Variants in CADM1 observed in about 807,000 individuals in gnomAD.
The protein encoded by CADM1 is cell adhesion molecule 1.
A neutral mutation model predicts 53.1 loss-of-function variants in CADM1; 15 were observed. The ratio of observed to expected loss-of-function variants is 0.28; its 90% CI spans 0.19 to 0.44. CADM1 has a LOEUF of 0.44. Among genes scored for constraint, CADM1 ranks in the 20% least tolerant of loss-of-function variants. CADM1 has a pLI of 1.00. For missense variants in CADM1, 434 were observed against 611.3 expected, an observed-to-expected ratio of 0.71 and a Z score of 3.06; for synonymous variants, 281 against 243.0, an observed-to-expected ratio of 1.16 and a Z score of -1.45.
intron 1 of CADM1, among the ~76,000 whole-genome samples, chr11:115,446,417 C>G (rs1408679570): frequency 6.6e-6 from 1 of 152,130 alleles, no homozygotes; most frequent in African/African-American, 2.4e-5. Context: ...CAACTACTTG[C>G]CAGGGACAGG....
intron 9 of CADM1, among the ~76,000 whole-genome samples, chr11:115,196,768 C>G (rs1351320223): frequency 2.0e-5 from 3 of 151,934 alleles, no homozygotes; most frequent in African/African-American, 4.8e-5. Flanking sequence ...AAGCTCAAAA[C>G]TTAAAGTATC....
chr11:115,199,231 T>G (rs10891807), intron 8 of CADM1, among the ~76,000 whole-genome samples: 1 of 152,098 alleles, frequency 6.6e-6, no homozygotes, highest in Non-Finnish European at 1.5e-5. Context: ...TCTAATCATA[T>G]GACATTCCAA....
intron 1 of CADM1, among the ~76,000 whole-genome samples, chr11:115,318,045 AT>A (rs1368228507): frequency 4.6e-5 from 7 of 151,540 alleles, no homozygotes; most frequent in South Asian, 2.1e-4. Flanking sequence ...TTCCCTACTT[AT>A]TTTTTTTAAT....
Position 115,229,210 on chromosome 11 carries a change from C to A in CADM1, c.624G>T (p.Lys208Asn), listed in dbSNP as rs1467988973. 3.7e-6 allele frequency: 6 copies of A among 1,614,036 alleles called. No homozygotes were observed. In the African/African-American group the frequency reaches 5.3e-5, roughly 14 times the overall value. ...GGACCCCATCGTCCTCCTTGTGCAC[C>A]TTCAGCATCAGCTGACTGGTCACAG... ...MYTVTSQLMLKVHKEDDGVPV... is the reference protein window; with the variant it reads ...MYTVTSQLMLNVHKEDDGVPV... The change falls in exon 5 of 12, where the codon AAG (lysine) becomes AAT (asparagine). Residue 208 changes from lysine to asparagine, a missense_variant. Around this residue, in one of 4 missense-constraint regions of CADM1, gnomAD observed 311 missense variants for 435.1 expected, o/e 0.71. Coordinates refer to ENST00000331581, the MANE Select transcript of CADM1 (RefSeq NM_001301043.2).
intron 1 of CADM1, among the ~76,000 whole-genome samples, chr11:115,359,183 G>A (rs954521149): frequency 2.6e-5 from 4 of 152,150 alleles, no homozygotes; most frequent in African/African-American, 9.7e-5. Flanking sequence ...ATGTTGTTAT[G>A]AAGACTGACA....
Position 115,174,472 on chromosome 11 carries a change from A to G in CADM1, c.*2002T>C. On this transcript the variant is annotated 3_prime_UTR_variant, in exon 12 of 12. Transcript: ENST00000331581. ...TCATTGTGGCTTTTTGTCTTGGTTAAGTGCCTAGGGATAGGGGAGGGGTAA... is the reference window on the plus strand; with the variant it reads ...TCATTGTGGCTTTTTGTCTTGGTTAGGTGCCTAGGGATAGGGGAGGGGTAA... 1.0e-6 allele frequency: 1 copy of G among 985,836 alleles called. No individual in the cohort carries two copies. The highest frequency in any genetic ancestry group is 1.2e-6 in the Non-Finnish European group (1 of 829,914). 61.1% of individuals were successfully genotyped at this position (985,836 alleles called of 1,614,324 possible). A position where few individuals can be genotyped will look rare whatever the true frequency, so the allele number is the denominator to read the frequency against.
At chr11:115,340,626 T>TTTTA (rs1555069219) in intron 1 of CADM1, among the ~76,000 whole-genome samples, 3 of 48,246 alleles carry the variant, frequency 6.2e-5, no homozygotes, top group African/African-American at 2.9e-4. Flanking sequence ...ATAATAAATA[T>TTTTA]TATATATATA....
At chr11:115,198,197 C>T (rs1940253267) in intron 9 of CADM1, among the ~76,000 whole-genome samples, 1 of 152,202 alleles carries the variant, frequency 6.6e-6, no homozygotes, top group African/African-American at 2.4e-5. Flanking sequence ...GAGAAGGTCT[C>T]ATCTCAGCTT....
rs571070305 is a variant in CADM1, at chr11:115,365,185, T to C, written c.125-124765A>G. 1.2e-3 allele frequency among the ~76,000 whole-genome samples: 190 copies of C among 152,302 alleles called. 1 individual carries two copies. The highest frequency in any genetic ancestry group is 2.3e-3 in the Non-Finnish European group (156 of 68,028). ...TGGTCCCAAGCCTCTTTACTCCAAC[T>C]GTATGAATTAAATAGTATGTGAACA... On this transcript the variant is annotated intron_variant, in intron 1 of 11. Coordinates refer to ENST00000331581, the MANE Select transcript of CADM1 (RefSeq NM_001301043.2).
At chr11:115,361,732 T>C (rs919560989) in intron 1 of CADM1, among the ~76,000 whole-genome samples, 2 of 151,846 alleles carry the variant, frequency 1.3e-5, no homozygotes, top group African/African-American at 4.8e-5. Context: ...TTATTATTAT[T>C]ATTTTTTTTT....
chr11:115,363,794 A>G (rs1458990170), intron 1 of CADM1: 1 of 152,202 alleles, frequency 6.6e-6, no homozygotes, highest in East Asian at 1.9e-4. Context: ...CATGCACCAC[A>G]TAACAACTTT....
chr11:115,404,731 G>A (rs929429480), intron 1 of CADM1, among the ~76,000 whole-genome samples: 2 of 150,870 alleles, frequency 1.3e-5, no homozygotes, highest in Admixed American at 6.6e-5. Flanking sequence ...TGTGGTGCAC[G>A]CCTGTGGTCT....
intron 9 of CADM1, among the ~76,000 whole-genome samples, chr11:115,191,968 G>A (rs917851113): frequency 6.6e-6 from 1 of 152,118 alleles, no homozygotes; most frequent in Non-Finnish European, 1.5e-5. Context: ...GTTTATTTTT[G>A]CATCTTTCCC....
intron 10 of CADM1, among the ~76,000 whole-genome samples, chr11:115,186,237 C>T (rs984955772): frequency 1.3e-5 from 2 of 152,164 alleles, no homozygotes; most frequent in African/African-American, 4.8e-5. Context: ...CACTTAGGGT[C>T]ACCTCCCAGG....
chr11:115,187,365 C>T (rs75557072), intron 10 of CADM1, among the ~76,000 whole-genome samples: 12 of 152,300 alleles, frequency 7.9e-5, no homozygotes, highest in Admixed American at 2.6e-4. Flanking sequence ...ATATCCCCAC[C>T]TCCGGGACTG....
chr11:115,176,215 A>G lies in CADM1; in HGVS notation c.*259T>C. On this transcript the variant is annotated 3_prime_UTR_variant, in exon 12 of 12. Coordinates refer to ENST00000331581, the MANE Select transcript of CADM1 (RefSeq NM_001301043.2). Reference sequence around the variant, plus strand: ...CTGCAATCTACTGAAACTAAATCCAAGTATCCAAGTTTGACTTGGTAGGAA... The same window carrying G: ...CTGCAATCTACTGAAACTAAATCCAGGTATCCAAGTTTGACTTGGTAGGAA... 1 of 1,235,556 alleles carries G rather than the reference A, an allele frequency of 8.1e-7. No individual in the cohort carries two copies. The highest frequency in any genetic ancestry group is 1.0e-6 in the Non-Finnish European group (1 of 974,484). 76.5% of individuals were successfully genotyped at this position (1,235,556 alleles called of 1,614,324 possible).
intron 1 of CADM1, among the ~76,000 whole-genome samples, chr11:115,416,621 A>G (rs904987153): frequency 6.6e-6 from 1 of 151,906 alleles, no homozygotes; most frequent in African/African-American, 2.4e-5. Context: ...ATACAGTCAC[A>G]GTACTAACTT....
At chr11:115,409,775 T>C (rs1398259) in intron 1 of CADM1, among the ~76,000 whole-genome samples, 77,923 of 151,746 alleles carry the variant, frequency 0.51, 21,403 homozygotes, top group African/African-American at 0.68. Context: ...CTCCCAGATA[T>C]ATAGCATTAG....
chr11:115,308,319 C>G (rs549565227), intron 1 of CADM1, among the ~76,000 whole-genome samples: 1 of 151,386 alleles, frequency 6.6e-6, no homozygotes, highest in African/African-American at 2.4e-5. Context: ...TTGAAGAAAC[C>G]CAACTTGCTT....
Sources: gnomAD v4.1 joint callset for allele counts (sites outside exome capture counted in the v4.1 genomes callset) on GRCh38, gnomAD v4.1.1 for gene constraint, gnomAD v4.1.1 regional missense constraint, MANE v1.5 for transcripts, NCBI Gene and HGNC (gene_info 2026-07-23, HGNC 2026-07-21) for gene names.